THRB: variants seen among roughly 807,000 people sequenced by gnomAD.
The protein encoded by THRB is nuclear receptor subfamily 1 group A member 2.
Under a neutral mutation model 47.8 loss-of-function variants are expected in THRB, and 12 were observed. The observed-to-expected ratio is 0.25, with a 90% CI of 0.16 to 0.41. The LOEUF is 0.41. THRB is among the 10% of genes least tolerant of loss of function. The pLI, the probability that THRB is intolerant of heterozygous loss-of-function variation, is 1.00. For missense variants in THRB, 348 were observed against 589.2 expected, an observed-to-expected ratio of 0.59 and a Z score of 4.24; for synonymous variants, 218 against 212.2, an observed-to-expected ratio of 1.03 and a Z score of -0.24.
At chr3:24,210,414 T>G (rs60458114) in intron 4 of THRB, among the ~76,000 whole-genome samples, 2,856 of 152,132 alleles carry the variant, frequency 0.019, 97 homozygotes, top group African/African-American at 0.064. Context: ...TTGTTTGTTT[T>G]TTTTTTTTGC....
chr3:24,437,268 T>A (rs1458787680), intron 1 of THRB, among the ~76,000 whole-genome samples: 1 of 151,664 alleles, frequency 6.6e-6, no homozygotes, highest in Non-Finnish European at 1.5e-5. Flanking sequence ...TTGCGTTAAG[T>A]GAAATAACCC....
At chr3:24,338,616 G>T (rs1031052622) in intron 1 of THRB, among the ~76,000 whole-genome samples, 23 of 152,110 alleles carry the variant, frequency 1.5e-4, no homozygotes, top group Non-Finnish European at 1.0e-4. Flanking sequence ...AGCGATTGTT[G>T]GTTATGTGTG....
In THRB at chr3:24,118,253, G is replaced by A. The variant is rs1010258784; in HGVS notation, c.*4631C>T. 4.6e-5 allele frequency: 7 copies of A among 152,438 alleles called. No individual in the cohort carries two copies. Among genetic ancestry groups the A allele is most frequent in the African/African-American group, 1.5e-4 (6 of 41,314 alleles). The allele number at this position is 152,438 out of a possible 1,614,324, so 9.4% of individuals were successfully genotyped here. A position where few individuals can be genotyped will look rare whatever the true frequency, so the allele number is the denominator to read the frequency against. On this transcript the variant is annotated 3_prime_UTR_variant, in exon 11 of 11. Transcript: ENST00000646209. ...TTTCTTTTTTAGAATTTAAGCTTATGAGTTTATCTACGCCCACTATATTCA... is the reference window on the plus strand; with the variant it reads ...TTTCTTTTTTAGAATTTAAGCTTATAAGTTTATCTACGCCCACTATATTCA...
chr3:24,150,119 C>G (rs1481983863), intron 6 of THRB, among the ~76,000 whole-genome samples: 2 of 152,186 alleles, frequency 1.3e-5, no homozygotes, highest in African/African-American at 2.4e-5. Context: ...TATCAATATC[C>G]TTTCTACAAA....
intron 1 of THRB, among the ~76,000 whole-genome samples, chr3:24,401,862 A>C (rs532518376): frequency 8.7e-4 from 133 of 152,142 alleles, no homozygotes; most frequent in Non-Finnish European, 6.9e-4. Context: ...AAAAAAGCTC[A>C]CCCAAAGATT....
At chr3:24,249,114 AATT>A (rs1397904510) in intron 3 of THRB, among the ~76,000 whole-genome samples, 7 of 152,324 alleles carry the variant, frequency 4.6e-5, no homozygotes, top group African/African-American at 1.7e-4. Context: ...AAGTGTGAGA[AATT>A]ATTATTTCCA....
chr3:24,169,949 GAA>G, intron 5 of THRB, among the ~76,000 whole-genome samples: 1 of 152,194 alleles, frequency 6.6e-6, no homozygotes, highest in Non-Finnish European at 1.5e-5. Context: ...GTATTTTGGA[GAA>G]AAAGTTTGCC....
intron 1 of THRB, among the ~76,000 whole-genome samples, chr3:24,459,745 C>G (rs1388756915): frequency 2.0e-5 from 3 of 152,084 alleles, no homozygotes; most frequent in African/African-American, 7.2e-5. Flanking sequence ...TGTTTGTTGG[C>G]TGCATAAATG....
intron 5 of THRB, among the ~76,000 whole-genome samples, chr3:24,167,940 T>C (rs1271086296): frequency 6.6e-6 from 1 of 152,128 alleles, no homozygotes; most frequent in Non-Finnish European, 1.5e-5. Flanking sequence ...GCTGAAAAAC[T>C]TTCTCTCTCT....
chr3:24,299,782 T>TTTTG (rs1295610218), intron 2 of THRB, among the ~76,000 whole-genome samples: 2 of 30,770 alleles, frequency 6.5e-5, no homozygotes, highest in East Asian at 2.5e-3. Flanking sequence ...TATTTATTTA[T>TTTTG]TTATTTATTT....
chr3:24,143,752 GATACAC>G (rs2035745577), intron 7 of THRB, 46 bp from the exon 8 acceptor site: 1 of 1,595,468 alleles, frequency 6.3e-7, no homozygotes, highest in Non-Finnish European at 8.6e-7. Context: ...ATGCTCCCAA[GATACAC>G]AGCAAGCTGC....
intron 5 of THRB, among the ~76,000 whole-genome samples, chr3:24,179,168 T>G (rs2041572823): frequency 6.6e-6 from 1 of 152,130 alleles, no homozygotes; most frequent in African/African-American, 2.4e-5. Flanking sequence ...AGACAAGTCC[T>G]CTCTCCAGCT....
Position 24,451,229 on chromosome 3 carries a change from C to CTTTT in THRB, c.-261+43419_-261+43422dup, listed in dbSNP as rs71057674. Among the ~76,000 whole-genome samples the CTTTT allele has an allele frequency of 5.0e-4, 48 of 95,346 alleles. 1 individual carries two copies. Among genetic ancestry groups the CTTTT allele is most frequent in the East Asian group, 7.9e-4 (3 of 3,812 alleles). The allele number at this position is 95,346 out of a possible 152,430, so 62.6% of individuals were successfully genotyped here. ...TGAAAGCTACAAGCCACTACATGTA[C>CTTTT]TTTTTTTTTTTTTTTTTTTTTTGAG... On this transcript the variant is annotated intron_variant, in intron 1 of 10. Coordinates refer to ENST00000646209, the MANE Select transcript of THRB (RefSeq NM_001354712.2).
At chr3:24,207,346 C>T (rs1469768739) in intron 4 of THRB, among the ~76,000 whole-genome samples, 1 of 152,254 alleles carries the variant, frequency 6.6e-6, no homozygotes, top group African/African-American at 2.4e-5. Context: ...TCAACTTACG[C>T]AAATCAATAA....
At chr3:24,448,563 G>A (rs183587388) in intron 1 of THRB, among the ~76,000 whole-genome samples, 2 of 152,222 alleles carry the variant, frequency 1.3e-5, no homozygotes, top group East Asian at 3.9e-4. Flanking sequence ...TTAGCTAGGG[G>A]TCTTTATTAA....
At chr3:24,217,253 G>A (rs1179162228) in intron 4 of THRB, among the ~76,000 whole-genome samples, 4 of 152,054 alleles carry the variant, frequency 2.6e-5, no homozygotes, top group African/African-American at 4.8e-5. Flanking sequence ...CATTTAAAAA[G>A]TTTGAAAAGG....
intron 1 of THRB, among the ~76,000 whole-genome samples, chr3:24,437,280 C>T (rs1221313234): frequency 6.6e-6 from 1 of 151,700 alleles, no homozygotes; most frequent in East Asian, 1.9e-4. Flanking sequence ...AAATAACCCA[C>T]CCATAGAAAG....
In THRB at chr3:24,122,595, G is replaced by C. The variant is rs1227768467; in HGVS notation, c.*289C>G. 1.5e-5 allele frequency: 7 copies of C among 454,000 alleles called. No individual in the cohort carries two copies. Among genetic ancestry groups the C allele is most frequent in the African/African-American group, 4.0e-5 (2 of 50,454 alleles). The allele number at this position is 454,000 out of a possible 1,614,324, so 28.1% of individuals were successfully genotyped here. On this transcript the variant is annotated 3_prime_UTR_variant, in exon 11 of 11. Coordinates refer to ENST00000646209, the MANE Select transcript of THRB (RefSeq NM_001354712.2). ...TCAAGTCTTGGACCAGGGACGGGTGGGAGCTGGTGATGCTTGGTGCTGGTG... is the reference window on the plus strand; with the variant it reads ...TCAAGTCTTGGACCAGGGACGGGTGCGAGCTGGTGATGCTTGGTGCTGGTG...
chr3:24,402,138 G>A (rs957909112), intron 1 of THRB, among the ~76,000 whole-genome samples: 2 of 152,028 alleles, frequency 1.3e-5, no homozygotes, highest in Non-Finnish European at 1.5e-5. Flanking sequence ...ATGTTACAGA[G>A]GCTCCTGCCC....
Sources: gnomAD v4.1 joint callset for allele counts (sites outside exome capture counted in the v4.1 genomes callset) on GRCh38, gnomAD v4.1.1 for gene constraint, MANE v1.5 for transcripts, NCBI Gene and HGNC (gene_info 2026-07-23, HGNC 2026-07-21) for gene names.